RIMS1: variants seen among roughly 807,000 people sequenced by gnomAD.
RIMS1 encodes regulating synaptic membrane exocytosis 1.
RIMS1 carries 83 observed loss-of-function variants against 214.1 expected under a neutral mutation model. The ratio of observed to expected loss-of-function variants is 0.39; its 90% CI spans 0.32 to 0.47. The LOEUF is 0.47. Ranked by LOEUF, RIMS1 falls within the 20% of genes least tolerant of loss-of-function variation. The pLI, the probability that RIMS1 is intolerant of heterozygous loss-of-function variation, is 0.99. For synonymous variants in RIMS1, 793 were observed against 786.8 expected, an observed-to-expected ratio of 1.01 and a Z score of -0.13; for missense variants, 2,050 against 2,161.8, an observed-to-expected ratio of 0.95 and a Z score of 1.03.
rs1301095618 is a variant in RIMS1 at position 72,291,975 on chromosome 6, A to G, written c.3779A>G (p.Asp1260Gly). ...QRSPTQSPPA[D>G]TSFSSRRGRQ... ...AGTCCAACACAATCTCCTCCAGCAG[A>G]CACATCGTTCAGCAGTCGCAGGGGA... The change falls in exon 26 of 34, where the codon GAC (aspartate) becomes GGC (glycine). Residue 1260 changes from aspartate (D) to glycine (G), a missense_variant. Physicochemically the swap from Asp to Gly is moderately conservative, Grantham distance 94. Transcript: ENST00000521978. 4 of 1,564,842 alleles carry G rather than the reference A, an allele frequency of 2.6e-6. No individual in the cohort carries two copies. Among genetic ancestry groups the G allele is most frequent in the South Asian group, 1.2e-5 (1 of 84,606 alleles).
chr6:72,292,051 C>T lies in RIMS1; in HGVS notation c.3850+5C>T, dbSNP rs1382669481. On this transcript the variant is annotated splice_donor_5th_base_variant and intron_variant, in intron 26 of 33. Coordinates refer to ENST00000521978, the MANE Select transcript of RIMS1 (RefSeq NM_014989.7). ...GAAGCGGCAGTATAGAACAAGGTATCCGATAAAGAGAGATCATTGTCCAAA... is the reference window on the plus strand; with the variant it reads ...GAAGCGGCAGTATAGAACAAGGTATTCGATAAAGAGAGATCATTGTCCAAA... 2 of 1,540,574 alleles carry T rather than the reference C, an allele frequency of 1.3e-6. No individual in the cohort carries two copies. The highest frequency in any genetic ancestry group is 2.4e-5 in the South Asian group (2 of 83,688).
intron 4 of RIMS1, among the ~76,000 whole-genome samples, chr6:72,153,339 G>T (rs1393347948): frequency 6.6e-6 from 1 of 151,364 alleles, no homozygotes; most frequent in African/African-American, 2.4e-5. Flanking sequence ...CCAGTAAGGA[G>T]ATTTTTTTTC....
Position 72,179,860 on chromosome 6 carries a change from G to T in RIMS1, c.757G>T (p.Gly253Trp). 6.3e-7 allele frequency: 1 copy of T among 1,596,108 alleles called. No homozygotes were observed. The highest frequency in any genetic ancestry group is 8.5e-7 in the Non-Finnish European group (1 of 1,170,810). ...GGCTGAGCCCTCGCAGCAAGCCTTG[G>T]GGCCTGAACAGAAGCAGGCTTCATC... ...KGAEPSQQAL[G>W]PEQKQASSRS... Residue 253 changes from glycine (G) to tryptophan (W), a missense_variant, in exon 5 of 34, where the codon GGG (glycine) becomes TGG (tryptophan). By Grantham distance (184) the Gly-to-Trp change is radical. Around this residue, in one of 6 missense-constraint regions of RIMS1, gnomAD observed 882 missense variants for 828.9 expected, o/e 1.06. Transcript: ENST00000521978.
chr6:71,992,404 C>CTCTCTTTCTTTCTTTCTT (rs1252103778), intron 2 of RIMS1, among the ~76,000 whole-genome samples: 4 of 110,076 alleles, frequency 3.6e-5, no homozygotes, highest in Non-Finnish European at 7.3e-5. Context: ...TTCTCTCTCT[C>CTCTCTTTCTTTCTTTCTT]TCTTTCTTTC....
chr6:72,272,338 T>C (rs993592905), intron 22 of RIMS1, among the ~76,000 whole-genome samples: 3 of 152,158 alleles, frequency 2.0e-5, no homozygotes. Context: ...CTTACAAAGA[T>C]GTGTTATTAA....
chr6:72,240,313 A>C (rs1252666738), intron 9 of RIMS1, among the ~76,000 whole-genome samples: 1 of 152,172 alleles, frequency 6.6e-6, no homozygotes, highest in East Asian at 1.9e-4. Context: ...TTTAAAATGC[A>C]GTGCTTTTGC....
chr6:72,182,851 A>C lies in RIMS1; in HGVS notation c.1380A>C (p.Glu460Asp), dbSNP rs755979150. The C allele has an allele frequency of 3.3e-5, 51 of 1,555,906 alleles. No individual in the cohort carries two copies. The highest frequency in any genetic ancestry group is 4.1e-5 in the Non-Finnish European group (47 of 1,152,404). Reference sequence around the variant, plus strand: ...CCAGACATGGGCCGGTTCCCGCAGAAGCCCCGGAGCTCAAAGCCCAGGAGC... The same window carrying C: ...CCAGACATGGGCCGGTTCCCGCAGACGCCCCGGAGCTCAAAGCCCAGGAGC... ...PAPRHGPVPA[E>D]APELKAQEPL... The change falls in exon 6 of 34, where the codon GAA (glutamate) becomes GAC (aspartate). Residue 460 changes from glutamate to aspartate, a missense_variant. Physicochemically the swap from Glu to Asp is conservative, Grantham distance 45 (BLOSUM62 2). Transcript: ENST00000521978.
At chr6:72,132,833 A>C (rs2040654391) in intron 4 of RIMS1, among the ~76,000 whole-genome samples, 1 of 152,218 alleles carries the variant, frequency 6.6e-6, no homozygotes, top group South Asian at 2.1e-4. Flanking sequence ...TCCAAAACTC[A>C]GCTCTCTATC....
chr6:72,302,450 T>A (rs1441385200), intron 26 of RIMS1, among the ~76,000 whole-genome samples: 1 of 151,758 alleles, frequency 6.6e-6, no homozygotes, highest in African/African-American at 2.4e-5. Flanking sequence ...TAGTCTATAC[T>A]GATTCAATTA....
intron 11 of RIMS1, among the ~76,000 whole-genome samples, chr6:72,247,030 A>G (rs2070246690): frequency 6.6e-6 from 1 of 152,192 alleles, no homozygotes; most frequent in Non-Finnish European, 1.5e-5. Flanking sequence ...TGCTTCATAA[A>G]CAGTATTTCT....
At chr6:72,013,999 T>G (rs1052589032) in intron 2 of RIMS1, among the ~76,000 whole-genome samples, 1 of 152,250 alleles carries the variant, frequency 6.6e-6, no homozygotes, top group Non-Finnish European at 1.5e-5. Flanking sequence ...CTTTTATGAC[T>G]GACTTGTTTT....
chr6:72,203,754 C>T (rs2052443300), intron 6 of RIMS1, among the ~76,000 whole-genome samples: 1 of 152,190 alleles, frequency 6.6e-6, no homozygotes, highest in Non-Finnish European at 1.5e-5. Context: ...AAGTTCAGTG[C>T]ACGTTGCAAT....
At chr6:72,262,129 A>C in intron 19 of RIMS1, 19 of 984,488 alleles carry the variant, frequency 1.9e-5, no homozygotes, top group Non-Finnish European at 2.3e-5. Flanking sequence ...TCAGTGTGTG[A>C]ATATTTCTAG....
At chr6:72,004,905 T>C (rs1028669259) in intron 2 of RIMS1, among the ~76,000 whole-genome samples, 1 of 152,158 alleles carries the variant, frequency 6.6e-6, no homozygotes, top group Admixed American at 6.5e-5. Flanking sequence ...TTGGCTTTTG[T>C]TGTCATTGCT....
chr6:72,165,442 G>A lies in RIMS1; in HGVS notation c.472-14133G>A, dbSNP rs1057275421. 6.6e-5 allele frequency among the ~76,000 whole-genome samples: 10 copies of A among 152,144 alleles called. No individual in the cohort carries two copies. In the South Asian group the frequency reaches 1.2e-3, roughly 19 times the overall value. On this transcript the variant is annotated intron_variant, in intron 4 of 33. Coordinates refer to ENST00000521978, the MANE Select transcript of RIMS1 (RefSeq NM_014989.7). ...CCACTCCATTATCTCTGTATCTCCTGTGGGTCGGTTGGTCTATTTTCATTA... is the reference window on the plus strand; with the variant it reads ...CCACTCCATTATCTCTGTATCTCCTATGGGTCGGTTGGTCTATTTTCATTA...
chr6:71,890,071 A>C (rs1769153940), intron 1 of RIMS1, among the ~76,000 whole-genome samples: 2 of 152,226 alleles, frequency 1.3e-5, no homozygotes, highest in South Asian at 4.1e-4. Flanking sequence ...ATGTGAAACC[A>C]ACATTATAAA....
chr6:71,920,318 G>C (rs1779609216), intron 1 of RIMS1, among the ~76,000 whole-genome samples: 1 of 152,168 alleles, frequency 6.6e-6, no homozygotes, highest in Non-Finnish European at 1.5e-5. Context: ...CTGTAGTTTA[G>C]TTAATAGTCA....
chr6:71,974,060 C>G (rs570905022), intron 2 of RIMS1, among the ~76,000 whole-genome samples: 5 of 151,984 alleles, frequency 3.3e-5, no homozygotes, highest in Non-Finnish European at 7.4e-5. Context: ...ACTAGCTGTC[C>G]CATGGGAAGT....
At position 72,182,772 on chromosome 6, in the gene RIMS1, C is replaced by A; in HGVS notation, c.1301C>A (p.Ala434Glu). 1 of 1,545,056 alleles carries A rather than the reference C, an allele frequency of 6.5e-7. No homozygotes were observed. Among genetic ancestry groups the A allele is most frequent in the Non-Finnish European group, 8.7e-7 (1 of 1,149,618 alleles). The change falls in exon 6 of 34, where the codon GCG becomes GAG. Residue 434 changes from alanine (A) to glutamate (E), a missense_variant. This residue lies in a region of RIMS1 where 882 missense variants were observed against 828.9 expected (regional missense o/e 1.06). Transcript: ENST00000521978. Reference sequence around the variant, plus strand: ...CGGGCTTACTCGGCTGAGAGAACTGCGGAGACCAGGGCGCCGGGCGCCAAG... The same window carrying A: ...CGGGCTTACTCGGCTGAGAGAACTGAGGAGACCAGGGCGCCGGGCGCCAAG... Reference protein sequence around the residue: ...SPRAYSAERTAETRAPGAKQL... With the variant: ...SPRAYSAERTEETRAPGAKQL...
Sources: allele counts gnomAD v4.1 joint callset (sites outside exome capture counted in the v4.1 genomes callset), GRCh38; gene constraint gnomAD v4.1.1; regional missense constraint gnomAD v4.1.1; transcripts MANE v1.5; gene names NCBI Gene and HGNC (gene_info 2026-07-23, HGNC 2026-07-21).